The following NOVA2 variants were observed in gnomAD, a reference collection of about 807,000 sequenced individuals.
NOVA2 encodes the protein RNA-binding protein Nova-2.
A neutral mutation model predicts 22.5 loss-of-function variants in NOVA2; 9 were observed. The ratio of observed to expected loss-of-function variants is 0.40; its 90% CI spans 0.24 to 0.70. The LOEUF (loss-of-function observed/expected upper bound fraction) is 0.70, where lower values mean the gene tolerates loss of function less well. Ranked by LOEUF, NOVA2 falls within the 30% of genes least tolerant of loss-of-function variation. The pLI is 0.38. For synonymous variants in NOVA2, 318 were observed against 335.2 expected, an observed-to-expected ratio of 0.95 and a Z score of 0.56; for missense variants, 383 against 682.8, an observed-to-expected ratio of 0.56 and a Z score of 4.89.
intron 1 of NOVA2, among the ~76,000 whole-genome samples, chr19:45,972,583 CCT>C (rs372056719): frequency 5.9e-5 from 9 of 152,250 alleles, no homozygotes; most frequent in African/African-American, 1.9e-4. Context: ...GAGCCCAGCC[CCT>C]GTCCCCTGTC....
chr19:45,971,840 C>A (rs1332879897), intron 1 of NOVA2, among the ~76,000 whole-genome samples: 2 of 152,058 alleles, frequency 1.3e-5, no homozygotes, highest in Middle Eastern at 3.4e-3. Flanking sequence ...CCCCAAAAAA[C>A]CCCACCTCTT....
At chr19:45,957,214 G>A (rs575788978) in intron 2 of NOVA2, among the ~76,000 whole-genome samples, 2 of 152,156 alleles carry the variant, frequency 1.3e-5, no homozygotes, top group African/African-American at 4.8e-5. Flanking sequence ...AGTTCAGCCT[G>A]GGCAATATAG....
intron 3 of NOVA2, among the ~76,000 whole-genome samples, chr19:45,943,631 T>C (rs1378986674): frequency 6.6e-6 from 1 of 150,826 alleles, no homozygotes; most frequent in African/African-American, 2.4e-5. Flanking sequence ...GGTGGGAGGA[T>C]CACTTGAGCC....
rs1488604222 is a variant in NOVA2 at position 45,936,011 on chromosome 19, T to G, written c.*3852A>C. 1.3e-5 allele frequency: 2 copies of G among 152,280 alleles called. No individual in the cohort carries two copies. Among genetic ancestry groups the G allele is most frequent in the East Asian group, 3.8e-4 (2 of 5,202 alleles). 9.4% of individuals were successfully genotyped at this position (152,280 alleles called of 1,614,324 possible). On this transcript the variant is annotated 3_prime_UTR_variant, in exon 4 of 4. Coordinates refer to ENST00000263257, the MANE Select transcript of NOVA2 (RefSeq NM_002516.4). ...TAGAAACGGCAAAATCATTGTCTTC[T>G]GATCACCACCCCTACTAATTATTGC... is the stretch of plus-strand genomic sequence containing the variant.
intron 1 of NOVA2, among the ~76,000 whole-genome samples, chr19:45,964,751 G>A (rs1490434301): frequency 6.6e-6 from 1 of 152,000 alleles, no homozygotes; most frequent in Non-Finnish European, 1.5e-5. Flanking sequence ...TGTAGAGATG[G>A]AGTTTTGCCA....
chr19:45,971,785 G>A (rs893637462), intron 1 of NOVA2, among the ~76,000 whole-genome samples: 1 of 152,026 alleles, frequency 6.6e-6, no homozygotes, highest in African/African-American at 2.4e-5. Flanking sequence ...TGTCCGCTGC[G>A]GGGTCTCCCT....
Position 45,934,989 on chromosome 19 carries a change from G to C in NOVA2, c.*4874C>G, listed in dbSNP as rs1029758699. On this transcript the variant is annotated 3_prime_UTR_variant, in exon 4 of 4. Coordinates refer to ENST00000263257, the MANE Select transcript of NOVA2 (RefSeq NM_002516.4). Reference sequence around the variant, plus strand: ...GTTTTCCGTGGGATGAACACAGAAAGGGTTAATCAAAAAGAGTTCGATGAG... The same window carrying C: ...GTTTTCCGTGGGATGAACACAGAAACGGTTAATCAAAAAGAGTTCGATGAG... The C allele has an allele frequency of 6.6e-6, 1 of 152,090 alleles. No homozygotes were observed. Among genetic ancestry groups the C allele is most frequent in the Admixed American group, 6.6e-5 (1 of 15,244 alleles). 9.4% of individuals were successfully genotyped at this position (152,090 alleles called of 1,614,324 possible). A position where few individuals can be genotyped will look rare whatever the true frequency, so the allele number is the denominator to read the frequency against.
rs1967637518 is a variant in NOVA2, at chr19:45,935,092, A to G, written c.*4771T>C. The G allele has an allele frequency of 7.4e-6, 1 of 135,916 alleles. No homozygotes were observed. The highest frequency in any genetic ancestry group is 1.6e-5 in the Non-Finnish European group (1 of 64,018). The allele number at this position is 135,916 out of a possible 1,614,324, so 8.4% of individuals were successfully genotyped here. A position where few individuals can be genotyped will look rare whatever the true frequency, so the allele number is the denominator to read the frequency against. Reference sequence around the variant, plus strand: ...GTGGCCGGTGGTGATGGAGTCACTTAGAAGATGAGAGGTTGGTGGTTTTGG... The same window carrying G: ...GTGGCCGGTGGTGATGGAGTCACTTGGAAGATGAGAGGTTGGTGGTTTTGG... On this transcript the variant is annotated 3_prime_UTR_variant, in exon 4 of 4. Coordinates refer to ENST00000263257, the MANE Select transcript of NOVA2 (RefSeq NM_002516.4).
chr19:45,944,467 A>G (rs921982524), intron 3 of NOVA2, among the ~76,000 whole-genome samples: 6 of 152,158 alleles, frequency 3.9e-5, no homozygotes, highest in Admixed American at 1.3e-4. Context: ...AAAAAACAAA[A>G]ACAACAACAA....
At chr19:45,955,849 T>A (rs548541838) in intron 2 of NOVA2, among the ~76,000 whole-genome samples, 46 of 150,908 alleles carry the variant, frequency 3.0e-4, no homozygotes, top group South Asian at 6.3e-4. Flanking sequence ...AGAGCGGGAC[T>A]CCGTCTCAAA....
chr19:45,965,503 T>C (rs940931386), intron 1 of NOVA2, among the ~76,000 whole-genome samples: 1 of 151,884 alleles, frequency 6.6e-6, no homozygotes, highest in African/African-American at 2.4e-5. Context: ...CCAAGGCGGG[T>C]GGATCACTTA....
rs768377916 is a variant in NOVA2 at position 45,953,973 on chromosome 19, C to T, written c.230-27G>A. 5.0e-6 allele frequency: 8 copies of T among 1,611,726 alleles called. No homozygotes were observed. In the Admixed American group the frequency reaches 8.3e-5, roughly 17 times the overall value. ...TGTTGAGCAAGGGAGAGAGAGGGCACACTCATGAGACAGGAATGGGAACAT... is the reference window on the plus strand; with the variant it reads ...TGTTGAGCAAGGGAGAGAGAGGGCATACTCATGAGACAGGAATGGGAACAT... On this transcript the variant is annotated intron_variant, in intron 2 of 3. Coordinates refer to ENST00000263257, the MANE Select transcript of NOVA2 (RefSeq NM_002516.4).
At chr19:45,944,572 T>C (rs1053641805) in intron 3 of NOVA2, among the ~76,000 whole-genome samples, 1 of 152,382 alleles carries the variant, frequency 6.6e-6, no homozygotes, top group Non-Finnish European at 1.5e-5. Flanking sequence ...AAATAAAACA[T>C]GGTATATCCA....
intron 2 of NOVA2, among the ~76,000 whole-genome samples, chr19:45,956,630 C>T (rs956812950): frequency 1.8e-4 from 27 of 152,254 alleles, no homozygotes; most frequent in Non-Finnish European, 3.2e-4. Flanking sequence ...CCACCACGCC[C>T]GTCTAAGTTT....
rs1967964507 is a variant in NOVA2 at position 45,953,886 on chromosome 19, C to T, written c.290G>A (p.Ser97Asn). ...GTAEALNAVH[S>N]FIAEKVREIP... is the part of the protein sequence containing the mutation. ...TTCTCGGACCTTCTCGGCAATAAAG[C>T]TGTGCACAGCATTCAAGGCCTCTGC... is the stretch of plus-strand genomic sequence containing the variant. Residue 97 changes from serine to asparagine, a missense_variant, in exon 3 of 4, where the codon AGC (serine) becomes AAC (asparagine). Transcript: ENST00000263257. 1 of 1,614,086 alleles carries T rather than the reference C, an allele frequency of 6.2e-7. No homozygotes were observed. The highest frequency in any genetic ancestry group is 8.5e-7 in the Non-Finnish European group (1 of 1,180,046).
At chr19:45,962,839 G>C (rs1968115758) in intron 1 of NOVA2, among the ~76,000 whole-genome samples, 9 of 151,890 alleles carry the variant, frequency 5.9e-5, no homozygotes, top group Admixed American at 5.9e-4. Context: ...GTAGAGACGG[G>C]GTTTCGCCAT....
At chr19:45,953,705 A>G in intron 3 of NOVA2, 75 bp downstream of exon 3, 1 of 1,534,494 alleles carries the variant, frequency 6.5e-7, no homozygotes, top group Non-Finnish European at 9.0e-7. Flanking sequence ...CCTCACAGTA[A>G]GCAGTGATGT....
chr19:45,941,168 T>G (rs1967751337), intron 3 of NOVA2, among the ~76,000 whole-genome samples: 1 of 151,914 alleles, frequency 6.6e-6, no homozygotes, highest in African/African-American at 2.4e-5. Context: ...GGCACATGCC[T>G]GTAATCCCAG....
chr19:45,944,376 A>G (rs952571657), intron 3 of NOVA2, among the ~76,000 whole-genome samples: 1 of 152,152 alleles, frequency 6.6e-6, no homozygotes, highest in African/African-American at 2.4e-5. Context: ...CAGGAGGTTG[A>G]GGCTGCAGTG....
Sources: allele counts gnomAD v4.1 joint callset (sites outside exome capture counted in the v4.1 genomes callset), GRCh38; gene constraint gnomAD v4.1.1; transcripts MANE v1.5; gene names NCBI Gene and HGNC (gene_info 2026-07-23, HGNC 2026-07-21).